Variants in GOLGA8J observed in about 807,000 individuals in gnomAD.
GOLGA8J encodes the protein golgin A8 family member J.
GOLGA8J carries 19 observed loss-of-function variants against 67.7 expected under a neutral mutation model. The observed-to-expected ratio is 0.28, with a 90% CI of 0.20 to 0.41. The LOEUF is 0.41. GOLGA8J is among the 10% of genes least tolerant of loss of function. The probability of loss-of-function intolerance (pLI) is 1.00; values close to 1 mark genes in which losing one functional copy is unlikely to be tolerated. For missense variants in GOLGA8J, 205 were observed against 584.3 expected (o/e 0.35, Z 6.69); for synonymous variants, 69 against 215.9 (o/e 0.32, Z 5.97).
At chr15:30,085,011 G>C in intron 2 of GOLGA8J, 121 bp downstream of exon 2, 1 of 643,222 alleles carries the variant, frequency 1.6e-6, no homozygotes, top group Non-Finnish European at 2.4e-6. Context: ...AGCCGGGTGT[G>C]GTGGCCCACG....
chr15:30,091,948 G>C (rs1438723966), intron 14 of GOLGA8J, 94 bp from the exon 15 acceptor site: 1 of 1,336,432 alleles, frequency 7.5e-7, no homozygotes, highest in Admixed American at 2.0e-5. Context: ...GGAGGGGCAG[G>C]CTCAGGGTTA....
intron 2 of GOLGA8J, among the ~76,000 whole-genome samples, chr15:30,085,509 AGGATAT>A (rs1337878572): frequency 2.6e-5 from 1 of 38,096 alleles, no homozygotes; most frequent in Non-Finnish European, 4.3e-5. Flanking sequence ...CAGGACACCC[AGGATAT>A]GGTTTGATTT....
At position 30,090,045 on chromosome 15, in the gene GOLGA8J, C is replaced by A. The variant is rs2057381455; in HGVS notation, c.1131+89C>A. ...CTCTAAAATGGGGCAGTGTAGCCCT[C>A]ACATGAAATGTTACTTCTAAAGGCA... On this transcript the variant is annotated intron_variant, in intron 12 of 18. Transcript: ENST00000567927. 25 of 1,371,288 alleles carry A rather than the reference C, an allele frequency of 1.8e-5. No individual in the cohort carries two copies. The East Asian group carries it at 5.8e-4, about 32-fold the overall frequency. 84.9% of individuals were successfully genotyped at this position (1,371,288 alleles called of 1,614,324 possible). A position where few individuals can be genotyped will look rare whatever the true frequency, so the allele number is the denominator to read the frequency against.
chr15:30,092,335 T>C (rs141208084), intron 15 of GOLGA8J, among the ~76,000 whole-genome samples: 5,550 of 140,488 alleles, frequency 0.04, 720 homozygotes, highest in African/African-American at 0.15. Context: ...TCCACCTCTC[T>C]GCCCCATTTC....
chr15:30,088,977 T>C lies in GOLGA8J; in HGVS notation c.723T>C (p.Tyr241=), dbSNP rs1292505239. ...FQQVQLERDE[Y]SEHLKGERAR... is the part of the protein sequence containing the mutation. ...AAGTCCAATTAGAAAGAGATGAGTA[T>C]TCTGAACATCTAAAAGGAGAGAGGG... Residue 241 remains tyrosine (Y), a synonymous_variant, in exon 10 of 19, where the codon TAT becomes TAC. Transcript: ENST00000567927. 6.7e-7 allele frequency: 1 copy of C among 1,503,702 alleles called. No individual in the cohort carries two copies. Among genetic ancestry groups the C allele is most frequent in the Non-Finnish European group, 8.8e-7 (1 of 1,131,208 alleles). The allele number at this position is 1,503,702 out of a possible 1,614,324, so 93.1% of individuals were successfully genotyped here.
intron 14 of GOLGA8J, 21 bp from the exon 15 acceptor site, chr15:30,092,021 C>G (rs1407127700): frequency 1.9e-6 from 3 of 1,598,140 alleles, no homozygotes; most frequent in Admixed American, 1.7e-5. Flanking sequence ...GTCTGAAGAC[C>G]CGTCTGACCA....
intron 8 of GOLGA8J, among the ~76,000 whole-genome samples, 183 bp from the exon 9 acceptor site, chr15:30,088,557 A>T (rs2057361460): frequency 6.8e-6 from 1 of 147,956 alleles, no homozygotes; most frequent in Admixed American, 6.7e-5. Flanking sequence ...CTATAAACTC[A>T]GTCTCATTCC....
intron 14 of GOLGA8J, 131 bp from the exon 15 acceptor site, chr15:30,091,911 A>G (rs2057408621): frequency 1.5e-6 from 1 of 650,890 alleles, no homozygotes; most frequent in South Asian, 1.8e-5. Flanking sequence ...AAGTAAAAAT[A>G]AAGAACAACA....
chr15:30,089,882 C>A lies in GOLGA8J; in HGVS notation c.1057C>A (p.Gln353Lys), dbSNP rs746899130. The A allele has an allele frequency of 1.3e-6, 2 of 1,530,506 alleles. No individual in the cohort carries two copies. The highest frequency in any genetic ancestry group is 1.7e-6 in the Non-Finnish European group (2 of 1,146,678). 94.8% of individuals were successfully genotyped at this position (1,530,506 alleles called of 1,614,324 possible). Residue 353 changes from glutamine (Q) to lysine (K), a missense_variant, in exon 12 of 19, where the codon CAG (glutamine) becomes AAG (lysine). Gln to Lys is a moderately conservative substitution (Grantham distance 53). Coordinates refer to ENST00000567927, the MANE Select transcript of GOLGA8J (RefSeq NM_001282472.2). ...IREQEERLRK[Q>K]EERIQEQHKS... The stretch of plus-strand genomic sequence containing the variant: ...GGAGCAGGAAGAGAGGCTTCGGAAG[C>A]AGGAGGAGAGGATTCAGGAGCAGCA...
At chr15:30,085,064 T>G (rs1437869715) in intron 2 of GOLGA8J, among the ~76,000 whole-genome samples, 174 bp downstream of exon 2, 4 of 94,708 alleles carry the variant, frequency 4.2e-5, no homozygotes, top group Non-Finnish European at 7.3e-5. Flanking sequence ...AGGCGGATCA[T>G]GAGGTCAGGA....
At position 30,092,925 on chromosome 15, in the gene GOLGA8J, C is replaced by T. The variant is rs368787626; in HGVS notation, c.1504C>T (p.Arg502Cys). 4,451 of 1,461,784 alleles carry T rather than the reference C, an allele frequency of 3.0e-3. 179 individuals carry two copies. In the East Asian group the frequency reaches 0.059, roughly 19 times the overall value. The allele number at this position is 1,461,784 out of a possible 1,614,324, so 90.6% of individuals were successfully genotyped here. ...THHLLSEPGGRAKDAALGGGH... is the reference protein window; with the variant it reads ...THHLLSEPGGCAKDAALGGGH... Reference sequence around the variant, plus strand: ...TCACCTTTTATCAGAACCAGGGGGCCGTGCCAAAGATGCGGCACTGGGAGG... The same window carrying T: ...TCACCTTTTATCAGAACCAGGGGGCTGTGCCAAAGATGCGGCACTGGGAGG... Residue 502 changes from arginine (R) to cysteine (C), a missense_variant, in exon 17 of 19, where the codon CGT becomes TGT. Arg to Cys is a radical substitution (Grantham distance 180, BLOSUM62 -3). Coordinates refer to ENST00000567927, the MANE Select transcript of GOLGA8J (RefSeq NM_001282472.2).
chr15:30,094,203 C>A lies in GOLGA8J; in HGVS notation c.*704C>A, dbSNP rs78517004. 0.08 allele frequency among the ~76,000 whole-genome samples: 10,718 copies of A among 134,812 alleles called. 1,274 individuals are homozygous for A. Among genetic ancestry groups the A allele is most frequent in the African/African-American group, 0.24 (6,993 of 29,496 alleles). 88.4% of individuals were successfully genotyped at this position (134,812 alleles called of 152,430 possible). A position where few individuals can be genotyped will look rare whatever the true frequency, so the allele number is the denominator to read the frequency against. ...AGTGTGTTTCATCTGTTCCGGTGCC[C>A]GGAATTAGCAGTGTATTATGGTGGT... On this transcript the variant is annotated 3_prime_UTR_variant, in exon 19 of 19. Transcript: ENST00000567927.
rs753415144 is a variant in GOLGA8J, at chr15:30,093,283, G to A, written c.1724-41G>A. Reference sequence around the variant, plus strand: ...TGGGGTGGGCAGGCAGGAAGAGGGGGCTCCCACTGTGCTCAGATCCCTGCC... The same window carrying A: ...TGGGGTGGGCAGGCAGGAAGAGGGGACTCCCACTGTGCTCAGATCCCTGCC... On this transcript the variant is annotated intron_variant, in intron 18 of 18. Coordinates refer to ENST00000567927, the MANE Select transcript of GOLGA8J (RefSeq NM_001282472.2). The A allele has an allele frequency of 2.6e-6, 4 of 1,567,922 alleles. No homozygotes were observed. In the African/African-American group the frequency reaches 5.9e-5, roughly 23 times the overall value.
intron 14 of GOLGA8J, 31 bp from the exon 15 acceptor site, chr15:30,092,011 G>T (rs2057410221): frequency 6.3e-7 from 1 of 1,595,912 alleles, no homozygotes; most frequent in Non-Finnish European, 8.5e-7. Context: ...TTGTTGGGTT[G>T]TCTGAAGACC....
In GOLGA8J at chr15:30,089,906, C is replaced by T; in HGVS notation, c.1081C>T (p.His361Tyr). The change falls in exon 12 of 19, where the codon CAC (histidine) becomes TAC (tyrosine). Residue 361 changes from histidine (H) to tyrosine (Y), a missense_variant. His to Tyr is a moderately conservative substitution (Grantham distance 83). Transcript: ENST00000567927. The stretch of plus-strand genomic sequence containing the variant: ...GCAGGAGGAGAGGATTCAGGAGCAG[C>T]ACAAGAGCCTTCAGCAGCTGGCCAA... ...RKQEERIQEQ[H>Y]KSLQQLAKPQ... The T allele has an allele frequency of 2.6e-6, 4 of 1,514,820 alleles. No individual in the cohort carries two copies. The highest frequency in any genetic ancestry group is 3.2e-5 in the African/African-American group (2 of 62,332). 93.8% of individuals were successfully genotyped at this position (1,514,820 alleles called of 1,614,324 possible). A position where few individuals can be genotyped will look rare whatever the true frequency, so the allele number is the denominator to read the frequency against.
chr15:30,088,974 G>C lies in GOLGA8J; in HGVS notation c.720G>C (p.Glu240Asp). ...AACAAGTCCAATTAGAAAGAGATGAGTATTCTGAACATCTAAAAGGAGAGA... is the reference window on the plus strand; with the variant it reads ...AACAAGTCCAATTAGAAAGAGATGACTATTCTGAACATCTAAAAGGAGAGA... ...SFQQVQLERD[E>D]YSEHLKGERA... Residue 240 changes from glutamate to aspartate, a missense_variant, in exon 10 of 19, where the codon GAG (glutamate) becomes GAC (aspartate). Glu to Asp is a conservative substitution (Grantham distance 45, BLOSUM62 2). Coordinates refer to ENST00000567927, the MANE Select transcript of GOLGA8J (RefSeq NM_001282472.2). 1 of 1,505,874 alleles carries C rather than the reference G, an allele frequency of 6.6e-7. No individual in the cohort carries two copies. The highest frequency in any genetic ancestry group is 8.8e-7 in the Non-Finnish European group (1 of 1,132,598). 93.3% of individuals were successfully genotyped at this position (1,505,874 alleles called of 1,614,324 possible).
In GOLGA8J at chr15:30,095,073, C is replaced by T. The variant is rs1231655218; in HGVS notation, c.*1574C>T. 1.4e-5 allele frequency among the ~76,000 whole-genome samples: 2 copies of T among 147,562 alleles called. No homozygotes were observed. The highest frequency in any genetic ancestry group is 2.6e-5 in the African/African-American group (1 of 38,256). ...TGTGCCTATGCATGATGAATGAATA[C>T]ATTTCAGTTATATATTGCCTAAATC... On this transcript the variant is annotated 3_prime_UTR_variant, in exon 19 of 19. Coordinates refer to ENST00000567927, the MANE Select transcript of GOLGA8J (RefSeq NM_001282472.2).
At position 30,093,217 on chromosome 15, in the gene GOLGA8J, T is replaced by A; in HGVS notation, c.1701T>A (p.Leu567=). 1.3e-6 allele frequency: 2 copies of A among 1,580,586 alleles called. No individual in the cohort carries two copies. Among genetic ancestry groups the A allele is most frequent in the Non-Finnish European group, 1.7e-6 (2 of 1,172,002 alleles). ...PGPGAPAPQE[L]GAADKHGHLC... The stretch of plus-strand genomic sequence containing the variant: ...CAGGAGCCCCAGCCCCCCAGGAGCT[T>A]GGGGCTGCAGACAAGCATGGTCGTG... The change falls in exon 18 of 19, where the codon CTT becomes CTA. Residue 567 remains leucine (L), a synonymous_variant. Coordinates refer to ENST00000567927, the MANE Select transcript of GOLGA8J (RefSeq NM_001282472.2).
At position 30,090,197 on chromosome 15, in the gene GOLGA8J, C is replaced by T. The variant is rs934913430; in HGVS notation, c.1132-15C>T. On this transcript the variant is annotated splice_polypyrimidine_tract_variant and intron_variant, in intron 12 of 18. Coordinates refer to ENST00000567927, the MANE Select transcript of GOLGA8J (RefSeq NM_001282472.2). ...AGCTGCAGTGGGTGGCTGCTGATTG[C>T]TTCTCTCTGTCCAGAACAATGAGAA... 2 of 1,172,388 alleles carry T rather than the reference C, an allele frequency of 1.7e-6. No individual in the cohort carries two copies. The highest frequency in any genetic ancestry group is 2.0e-5 in the Admixed American group (1 of 48,790). 72.6% of individuals were successfully genotyped at this position (1,172,388 alleles called of 1,614,324 possible).
Sources: gnomAD v4.1 joint callset for allele counts (sites outside exome capture counted in the v4.1 genomes callset) on GRCh38, gnomAD v4.1.1 for gene constraint, MANE v1.5 for transcripts, NCBI Gene and HGNC (gene_info 2026-07-23, HGNC 2026-07-21) for gene names.